RELN: variants seen among roughly 807,000 people sequenced by gnomAD.
RELN encodes the protein reelin.
In RELN, 108 loss-of-function variants were observed where a neutral mutation model predicts 427.6. The ratio of observed to expected loss-of-function variants is 0.25; its 90% confidence interval spans 0.22 to 0.30. The LOEUF (loss-of-function observed/expected upper bound fraction) is 0.30, where lower values mean the gene tolerates loss of function less well. Among genes scored for constraint, RELN ranks in the 10% least tolerant of loss-of-function variants. The probability of loss-of-function intolerance (pLI) is 1.00; values close to 1 mark genes in which losing one functional copy is unlikely to be tolerated. For synonymous variants in RELN, 1,524 were observed against 1,513.4 expected (o/e 1.01, Z -0.16); for missense variants, 3,715 against 4,302.8 (o/e 0.86, Z 3.82).
At chr7:103,647,240 A>G (rs1832816312) in intron 16 of RELN, among the ~76,000 whole-genome samples, 1 of 151,994 alleles carries the variant, frequency 6.6e-6, no homozygotes, top group African/African-American at 2.4e-5. Flanking sequence ...AATAAAAGGC[A>G]CCCAAATTTG....
intron 20 of RELN, among the ~76,000 whole-genome samples, chr7:103,629,254 A>C (rs139490891): frequency 2.3e-4 from 35 of 152,314 alleles, no homozygotes; most frequent in African/African-American, 8.4e-4. Context: ...ACTGATGTAC[A>C]TGAAGTACTA....
intron 61 of RELN, 151 bp downstream of exon 61, chr7:103,486,046 T>C (rs961331764): frequency 3.0e-5 from 22 of 733,006 alleles, no homozygotes; most frequent in African/African-American, 5.2e-5. Flanking sequence ...GTGAAACATA[T>C]ATGCTTCCTT....
At chr7:103,793,823 G>A (rs1489810282) in intron 3 of RELN, among the ~76,000 whole-genome samples, 1 of 152,210 alleles carries the variant, frequency 6.6e-6, no homozygotes, top group East Asian at 1.9e-4. Context: ...CTAAAGTGCA[G>A]TGGCACAGTC....
intron 2 of RELN, among the ~76,000 whole-genome samples, chr7:103,844,858 CCT>C (rs1351501391): frequency 1.3e-5 from 2 of 152,148 alleles, no homozygotes; most frequent in Admixed American, 6.5e-5. Context: ...ATCTCAGTCC[CCT>C]CTGTTTCTAC....
chr7:103,747,756 C>T (rs1318578984), intron 6 of RELN, among the ~76,000 whole-genome samples: 2 of 150,142 alleles, frequency 1.3e-5, no homozygotes, highest in Admixed American at 6.7e-5. Flanking sequence ...CAGAAGGACT[C>T]GGCTTTTAAA....
intron 45 of RELN, 34 bp from the exon 46 acceptor site, chr7:103,535,518 C>A (rs362706): frequency 6.3e-7 from 1 of 1,589,876 alleles, no homozygotes; most frequent in Non-Finnish European, 8.6e-7. Context: ...GATATAAACA[C>A]ATATCTGCAG....
intron 4 of RELN, among the ~76,000 whole-genome samples, chr7:103,766,809 G>T (rs1175357662): frequency 6.6e-6 from 1 of 152,230 alleles, no homozygotes; most frequent in African/African-American, 2.4e-5. Context: ...CTGAAAAACT[G>T]CTGAGCCTGG....
At chr7:103,837,121 A>G (rs143770084) in intron 2 of RELN, among the ~76,000 whole-genome samples, 38 of 152,250 alleles carry the variant, frequency 2.5e-4, no homozygotes, top group Admixed American at 9.8e-4. Flanking sequence ...AAAGGATTCG[A>G]CTTTTTTCCC....
intron 4 of RELN, among the ~76,000 whole-genome samples, chr7:103,768,697 T>C (rs967395920): frequency 6.6e-6 from 1 of 152,182 alleles, no homozygotes; most frequent in African/African-American, 2.4e-5. Context: ...TAAATCATGG[T>C]TCCTGCCTTC....
chr7:103,687,404 G>A (rs969324799), intron 10 of RELN, among the ~76,000 whole-genome samples: 1 of 152,120 alleles, frequency 6.6e-6, no homozygotes, highest in East Asian at 1.9e-4. Context: ...GAAAGTTAGA[G>A]CTATTTGATC....
At chr7:103,500,626 G>A in intron 53 of RELN, 119 bp downstream of exon 53, 2 of 950,010 alleles carry the variant, frequency 2.1e-6, no homozygotes. Context: ...CTATTCAAAG[G>A]ATTTTCTTTC....
At chr7:103,783,028 C>T (rs1040447455) in intron 3 of RELN, among the ~76,000 whole-genome samples, 2 of 152,000 alleles carry the variant, frequency 1.3e-5, no homozygotes, top group Non-Finnish European at 2.9e-5. Flanking sequence ...GGAAAGGTAA[C>T]TAAATATGTG....
chr7:103,986,143 C>CG (rs1797092967), intron 1 of RELN, among the ~76,000 whole-genome samples: 1 of 152,168 alleles, frequency 6.6e-6, no homozygotes. Flanking sequence ...CGCTGAGCTT[C>CG]TACATTGTGG....
At chr7:103,782,583 T>C (rs553801198) in intron 3 of RELN, among the ~76,000 whole-genome samples, 44 of 152,178 alleles carry the variant, frequency 2.9e-4, no homozygotes, top group Non-Finnish European at 5.6e-4. Context: ...CCACAAGGCA[T>C]TGGTCATAAT....
chr7:103,816,697 A>T (rs1462492242), intron 3 of RELN, among the ~76,000 whole-genome samples: 1 of 152,112 alleles, frequency 6.6e-6, no homozygotes, highest in Non-Finnish European at 1.5e-5. Context: ...GGGCCTTGAG[A>T]GGCTTCTCCA....
chr7:103,902,540 GAGA>G (rs1278064948), intron 2 of RELN, among the ~76,000 whole-genome samples: 5 of 152,018 alleles, frequency 3.3e-5, no homozygotes, highest in Non-Finnish European at 7.4e-5. Context: ...AGAAAAGCAG[GAGA>G]AGAGCTCAAT....
chr7:103,616,834 T>C (rs1051198633), intron 20 of RELN, among the ~76,000 whole-genome samples: 1 of 152,226 alleles, frequency 6.6e-6, no homozygotes, highest in African/African-American at 2.4e-5. Flanking sequence ...TTTCACTTTT[T>C]ACTATTATAA....
At position 103,580,042 on chromosome 7, in the gene RELN, T is replaced by G. The variant is rs111841878; in HGVS notation, c.4146-4337A>C. Among the ~76,000 whole-genome samples the G allele has an allele frequency of 4.0e-3, 616 of 152,290 alleles. 3 individuals are homozygous for G. The highest frequency in any genetic ancestry group is 7.0e-3 in the Non-Finnish European group (473 of 68,022). ...ACATATATTCACCATCACCAATGTG[T>G]TTTCTGTAGGCAAGAGCCCGGTGAA... On this transcript the variant is annotated intron_variant, in intron 28 of 64. Coordinates refer to ENST00000428762, the MANE Select transcript of RELN (RefSeq NM_005045.4).
intron 3 of RELN, among the ~76,000 whole-genome samples, chr7:103,819,063 C>T (rs372280706): frequency 2.0e-5 from 3 of 152,040 alleles, no homozygotes; most frequent in Admixed American, 1.3e-4. Context: ...TATGCATATG[C>T]GTGTGCACAT....
Sources: gnomAD v4.1 joint callset for allele counts (sites outside exome capture counted in the v4.1 genomes callset) on GRCh38, gnomAD v4.1.1 for gene constraint, MANE v1.5 for transcripts, NCBI Gene and HGNC (gene_info 2026-07-23, HGNC 2026-07-21) for gene names.